UTRN: variants seen among roughly 807,000 people sequenced by gnomAD.
The protein encoded by UTRN is utrophin.
Under a neutral mutation model 463.9 loss-of-function variants are expected in UTRN, and 283 were observed. The observed-to-expected ratio is 0.61, with a 90% confidence interval of 0.55 to 0.67. UTRN has a LOEUF of 0.67. Ranked by LOEUF, UTRN falls within the 30% of genes least tolerant of loss-of-function variation. UTRN has a pLI of 0.00. For synonymous variants in UTRN, 1,442 were observed against 1,431.5 expected (o/e 1.01, Z -0.17); for missense variants, 3,922 against 4,084.3 (o/e 0.96, Z 1.08).
chr6:144,828,636 A>G (rs1028318156), intron 68 of UTRN, among the ~76,000 whole-genome samples, 154 bp from the exon 69 acceptor site: 6 of 152,210 alleles, frequency 3.9e-5, no homozygotes, highest in Non-Finnish European at 8.8e-5. Context: ...GTAGCTCAAC[A>G]TGAAACGTTT....
intron 54 of UTRN, among the ~76,000 whole-genome samples, chr6:144,739,276 T>C (rs1789788472): frequency 6.6e-6 from 1 of 152,238 alleles, no homozygotes; most frequent in South Asian, 2.1e-4. Context: ...TTCAGTCCAC[T>C]ATGTCAGTCC....
At chr6:144,689,573 C>G (rs1783108176) in intron 52 of UTRN, among the ~76,000 whole-genome samples, 1 of 152,304 alleles carries the variant, frequency 6.6e-6, no homozygotes, top group Middle Eastern at 3.4e-3. Context: ...TCCACTCAGT[C>G]TAGCAACCCA....
chr6:144,633,783 G>A (rs1436601586), intron 51 of UTRN, among the ~76,000 whole-genome samples: 3 of 151,976 alleles, frequency 2.0e-5, no homozygotes, highest in East Asian at 1.9e-4. Flanking sequence ...CCTTCCCTTC[G>A]GTATGATAAA....
At chr6:144,850,094 A>T (rs994083719) in intron 74 of UTRN, among the ~76,000 whole-genome samples, 2 of 152,156 alleles carry the variant, frequency 1.3e-5, no homozygotes, top group Non-Finnish European at 2.9e-5. Flanking sequence ...TCCCTCTAAC[A>T]TGGCAATCAA....
At chr6:144,337,144 C>G (rs544197803) in intron 2 of UTRN, among the ~76,000 whole-genome samples, 1 of 149,644 alleles carries the variant, frequency 6.7e-6, no homozygotes, top group African/African-American at 2.5e-5. Context: ...CAGACTCACA[C>G]ACAGAGACAC....
At chr6:144,567,918 A>T (rs1258254224) in intron 50 of UTRN, among the ~76,000 whole-genome samples, 1 of 152,142 alleles carries the variant, frequency 6.6e-6, no homozygotes, top group East Asian at 1.9e-4. Flanking sequence ...CAATTGATTA[A>T]ATAATATATC....
chr6:144,385,419 T>C (rs1162102209), intron 2 of UTRN, among the ~76,000 whole-genome samples: 1 of 152,208 alleles, frequency 6.6e-6, no homozygotes, highest in East Asian at 1.9e-4. Flanking sequence ...TCTAAAAATA[T>C]GAAAGTGGAA....
intron 23 of UTRN, among the ~76,000 whole-genome samples, chr6:144,471,095 A>G (rs144499291): frequency 0.075 from 4,412 of 58,744 alleles, 206 homozygotes; most frequent in African/African-American, 0.13. Flanking sequence ...GGAGGGGGAG[A>G]GGGAGAGGGA....
At chr6:144,676,524 T>TG (rs1781609945) in intron 51 of UTRN, among the ~76,000 whole-genome samples, 1 of 136,936 alleles carries the variant, frequency 7.3e-6, no homozygotes, top group Non-Finnish European at 1.6e-5. Context: ...ACGTTAAAAG[T>TG]TTGTTTTTTT....
rs57789741 is a variant in UTRN, at chr6:144,302,509, C to CA, written c.79+10611dup. On this transcript the variant is annotated intron_variant, in intron 2 of 74. Transcript: ENST00000367545. ...TGGGCAACAGAGTGAGACTCTGTCT[C>CA]AAAAAAAAAGACTTGCTATGCCTTT... Among the ~76,000 whole-genome samples, 15 of 139,162 alleles carry CA rather than the reference C, an allele frequency of 1.1e-4. No individual in the cohort carries two copies. In the East Asian group the frequency reaches 1.7e-3, roughly 16 times the overall value. The allele number at this position is 139,162 out of a possible 152,430, so 91.3% of individuals were successfully genotyped here. A position where few individuals can be genotyped will look rare whatever the true frequency, so the allele number is the denominator to read the frequency against.
chr6:144,401,789 G>A (rs1782958682), intron 2 of UTRN, among the ~76,000 whole-genome samples: 2 of 152,048 alleles, frequency 1.3e-5, no homozygotes, highest in Admixed American at 6.6e-5. Flanking sequence ...AGTGGTAGGC[G>A]AACCTCTAAT....
At chr6:144,798,192 T>C (rs781045353) in intron 64 of UTRN, among the ~76,000 whole-genome samples, 2 of 152,224 alleles carry the variant, frequency 1.3e-5, no homozygotes, top group Non-Finnish European at 2.9e-5. Flanking sequence ...TTGTTGCTAT[T>C]ATTATTGTCA....
At chr6:144,345,740 A>G (rs567551669) in intron 2 of UTRN, among the ~76,000 whole-genome samples, 1 of 152,062 alleles carries the variant, frequency 6.6e-6, no homozygotes, top group Admixed American at 6.5e-5. Context: ...ATTGTCACTA[A>G]ATCCTCTCTC....
intron 52 of UTRN, among the ~76,000 whole-genome samples, chr6:144,689,408 C>A (rs1783089285): frequency 6.6e-6 from 1 of 152,216 alleles, no homozygotes; most frequent in African/African-American, 2.4e-5. Context: ...CTGAAAGAAA[C>A]TTCCCACAGG....
At chr6:144,697,334 G>A (rs1784122448) in intron 52 of UTRN, among the ~76,000 whole-genome samples, 1 of 152,134 alleles carries the variant, frequency 6.6e-6, no homozygotes, top group Middle Eastern at 3.2e-3. Flanking sequence ...TTGATCACTA[G>A]TTATCAATAG....
In UTRN at chr6:144,789,181, C is replaced by T; in HGVS notation, c.8835-13C>T. 6.2e-7 allele frequency: 1 copy of T among 1,606,666 alleles called. No individual in the cohort carries two copies. The highest frequency in any genetic ancestry group is 1.1e-5 in the South Asian group (1 of 90,336). ...TAAATGCATCTAACACATTAACATT[C>T]TTATAATTTTAGGGGTCGAACTGGA... On this transcript the variant is annotated splice_polypyrimidine_tract_variant and intron_variant, in intron 61 of 74. Coordinates refer to ENST00000367545, the MANE Select transcript of UTRN (RefSeq NM_007124.3).
At chr6:144,643,709 A>C (rs1777998772) in intron 51 of UTRN, among the ~76,000 whole-genome samples, 1 of 152,002 alleles carries the variant, frequency 6.6e-6, no homozygotes, top group African/African-American at 2.4e-5. Flanking sequence ...AGGCAGGAGA[A>C]TCGCTTGAAC....
intron 60 of UTRN, among the ~76,000 whole-genome samples, chr6:144,776,917 G>T (rs565134363): frequency 1.3e-5 from 2 of 152,094 alleles, no homozygotes; most frequent in Non-Finnish European, 2.9e-5. Context: ...CAATGTTGTC[G>T]ATCACCTCTC....
At chr6:144,404,809 A>G (rs1783241869) in intron 3 of UTRN, among the ~76,000 whole-genome samples, 1 of 152,202 alleles carries the variant, frequency 6.6e-6, no homozygotes, top group African/African-American at 2.4e-5. Flanking sequence ...AGAATAATTG[A>G]AAAGAAATTT....
Sources: gnomAD v4.1 joint callset for allele counts (sites outside exome capture counted in the v4.1 genomes callset) on GRCh38, gnomAD v4.1.1 for gene constraint, MANE v1.5 for transcripts, NCBI Gene and HGNC (gene_info 2026-07-23, HGNC 2026-07-21) for gene names.